GLIS3: variants seen among roughly 807,000 people sequenced by gnomAD.
The protein encoded by GLIS3 is zinc finger protein GLIS3.
A neutral mutation model predicts 78.6 loss-of-function variants in GLIS3; 53 were observed. That is an observed-to-expected ratio of 0.67 (90% CI 0.54 to 0.85). The LOEUF is 0.85. Among genes scored for constraint, GLIS3 ranks in the 40% least tolerant of loss-of-function variants. The pLI, the probability that GLIS3 is intolerant of heterozygous loss-of-function variation, is 0.00. For missense variants in GLIS3, 1,703 were observed against 1,231.1 expected, an observed-to-expected ratio of 1.38 and a Z score of -5.74; for synonymous variants, 684 against 509.9, an observed-to-expected ratio of 1.34 and a Z score of -4.60.
At chr9:4,158,436 G>T (rs1043509800) in intron 2 of GLIS3, among the ~76,000 whole-genome samples, 1 of 152,140 alleles carries the variant, frequency 6.6e-6, no homozygotes, top group Non-Finnish European at 1.5e-5. Context: ...AGGCAGGAAG[G>T]GTCGAGATTA....
At chr9:4,449,816 A>G in the GLIS3 span, among the ~76,000 whole-genome samples, 75 of 152,328 alleles carry the variant, frequency 4.9e-4, no homozygotes, top group African/African-American at 1.7e-3. Flanking sequence ...CAAAAAGGAC[A>G]TCCACACCAA....
At chr9:3,980,189 A>C (rs1423837481) in intron 4 of GLIS3, among the ~76,000 whole-genome samples, 1 of 152,192 alleles carries the variant, frequency 6.6e-6, no homozygotes, top group Non-Finnish European at 1.5e-5. Context: ...AAAAAGAAAA[A>C]AATTTTTTTC....
At chr9:4,100,811 G>A (rs962584994) in intron 4 of GLIS3, among the ~76,000 whole-genome samples, 5 of 152,068 alleles carry the variant, frequency 3.3e-5, no homozygotes, top group Non-Finnish European at 7.4e-5. Context: ...ATCCCTCTAC[G>A]GTTTTAACTA....
At chr9:4,200,239 G>C (rs189590680) in intron 2 of GLIS3, among the ~76,000 whole-genome samples, 208 of 151,912 alleles carry the variant, frequency 1.4e-3, no homozygotes, top group African/African-American at 4.1e-3. Flanking sequence ...CTCAAACCTA[G>C]AGGAACTAGA....
chr9:4,314,090 T>G (rs922984224), intron 2 of GLIS3, among the ~76,000 whole-genome samples: 3 of 152,240 alleles, frequency 2.0e-5, no homozygotes, highest in African/African-American at 7.2e-5. Context: ...GCAAGTAACT[T>G]AACCTTTGTG....
At chr9:4,034,006 G>GA (rs1327677572) in intron 4 of GLIS3, among the ~76,000 whole-genome samples, 4 of 151,396 alleles carry the variant, frequency 2.6e-5, no homozygotes, top group Non-Finnish European at 5.9e-5. Flanking sequence ...AGGATTCCTT[G>GA]AGCCTAGGAA....
At chr9:4,176,073 G>A (rs1031256188) in intron 2 of GLIS3, among the ~76,000 whole-genome samples, 1 of 152,106 alleles carries the variant, frequency 6.6e-6, no homozygotes, top group Non-Finnish European at 1.5e-5. Context: ...AATCTCTTCT[G>A]TTCACAGAAC....
intron 4 of GLIS3, among the ~76,000 whole-genome samples, chr9:3,992,171 T>C (rs376992628): frequency 2.0e-5 from 3 of 152,164 alleles, no homozygotes; most frequent in Non-Finnish European, 4.4e-5. Context: ...AATGTAACAT[T>C]TGGAGGACAA....
At chr9:4,244,195 T>A (rs1823586683) in intron 2 of GLIS3, among the ~76,000 whole-genome samples, 1 of 152,254 alleles carries the variant, frequency 6.6e-6, no homozygotes, top group Admixed American at 6.5e-5. Flanking sequence ...AAATTGCAGC[T>A]AAATCTCTCA....
the GLIS3 span, among the ~76,000 whole-genome samples, chr9:4,468,394 G>T: frequency 6.6e-6 from 1 of 152,162 alleles, no homozygotes; most frequent in Non-Finnish European, 1.5e-5. Flanking sequence ...AGTAAGGTTG[G>T]GTTACCCAAA....
the GLIS3 span, among the ~76,000 whole-genome samples, chr9:4,454,841 T>A: frequency 2.0e-5 from 3 of 152,142 alleles, 1 homozygote; most frequent in South Asian, 6.2e-4. Context: ...CACCCTGAAG[T>A]AGGGGATCTC....
At chr9:3,978,959 T>A (rs528628296) in intron 4 of GLIS3, among the ~76,000 whole-genome samples, 71 of 152,276 alleles carry the variant, frequency 4.7e-4, no homozygotes, top group African/African-American at 1.5e-3. Context: ...TTATAAATAA[T>A]CTAGAGATTA....
chr9:4,250,043 G>C (rs1824204702), intron 2 of GLIS3, among the ~76,000 whole-genome samples: 1 of 152,174 alleles, frequency 6.6e-6, no homozygotes, highest in Non-Finnish European at 1.5e-5. Flanking sequence ...GAGGATCTTT[G>C]CATTGATGTT....
chr9:4,354,854 T>G, the GLIS3 span, among the ~76,000 whole-genome samples: 5 of 152,050 alleles, frequency 3.3e-5, 1 homozygote, highest in Admixed American at 2.6e-4. Context: ...TGGTGGCTCA[T>G]GCCTGTAATC....
chr9:4,407,870 CAA>C, the GLIS3 span, among the ~76,000 whole-genome samples: 4 of 151,504 alleles, frequency 2.6e-5, no homozygotes, highest in Non-Finnish European at 5.9e-5. Context: ...ACCCATTTGA[CAA>C]AGTGTTAATA....
chr9:4,118,052 G>A lies in GLIS3; in HGVS notation c.1426C>T (p.His476Tyr), dbSNP rs1009463457. 1.3e-6 allele frequency: 2 copies of A among 1,588,510 alleles called. No individual in the cohort carries two copies. The highest frequency in any genetic ancestry group is 1.7e-4 in the Middle Eastern group (1 of 5,938). The change falls in exon 4 of 11, where the codon CAC becomes TAC. Residue 476 changes from histidine to tyrosine, a missense_variant. His to Tyr is a moderately conservative substitution (Grantham distance 83). Coordinates refer to ENST00000381971, the MANE Select transcript of GLIS3 (RefSeq NM_001042413.2). The surrounding 1 kb of genome is among the most constrained non-coding windows in gnomAD (Gnocchi z 4.7). The stretch of plus-strand genomic sequence containing the variant: ...TGGGGCAAGGCCAGCTGCTGGGCGT[G>A]GGGCCCGAGCTCCGGGTGGTGAAGG... ...AHLHHPELGPHAQQLALPQAT... is the reference protein window; with the variant it reads ...AHLHHPELGPYAQQLALPQAT...
chr9:4,461,509 T>A, the GLIS3 span, among the ~76,000 whole-genome samples: 1 of 152,158 alleles, frequency 6.6e-6, no homozygotes, highest in African/African-American at 2.4e-5. Flanking sequence ...TCCTCAACTC[T>A]CACTCAAATT....
intron 4 of GLIS3, among the ~76,000 whole-genome samples, chr9:3,994,506 A>C (rs1216455064): frequency 6.6e-6 from 1 of 152,222 alleles, no homozygotes; most frequent in African/African-American, 2.4e-5. Context: ...CTAGCTTAAA[A>C]CACCACAAAG....
chr9:4,315,269 C>G (rs539923936), intron 2 of GLIS3, among the ~76,000 whole-genome samples: 1 of 152,106 alleles, frequency 6.6e-6, no homozygotes, highest in Non-Finnish European at 1.5e-5. Context: ...TCAAGCTGAC[C>G]CAACATGATG....
Sources: gnomAD v4.1 joint callset for allele counts (sites outside exome capture counted in the v4.1 genomes callset) on GRCh38, gnomAD v4.1.1 for gene constraint, Gnocchi (gnomAD v3.1) non-coding constraint, MANE v1.5 for transcripts, NCBI Gene and HGNC (gene_info 2026-07-23, HGNC 2026-07-21) for gene names.